The following ZNF148 variants were observed in gnomAD, a reference collection of about 807,000 sequenced individuals.
ZNF148 encodes Beta-Enolase Repressor Factor-1.
Under a neutral mutation model 67.7 loss-of-function variants are expected in ZNF148, and 7 were observed. The ratio of observed to expected loss-of-function variants is 0.10; its 90% CI spans 0.06 to 0.19. The LOEUF is 0.19. Among genes scored for constraint, ZNF148 ranks in the 10% least tolerant of loss-of-function variants. The pLI, the probability that ZNF148 is intolerant of heterozygous loss-of-function variation, is 1.00. For synonymous variants in ZNF148, 333 were observed against 330.7 expected, an observed-to-expected ratio of 1.01 and a Z score of -0.08; for missense variants, 583 against 947.1, an observed-to-expected ratio of 0.62 and a Z score of 5.05.
intron 7 of ZNF148, among the ~76,000 whole-genome samples, chr3:125,237,634 C>T (rs1579586995): frequency 6.6e-6 from 1 of 151,916 alleles, no homozygotes; most frequent in South Asian, 2.1e-4. Context: ...AGCTCATTAA[C>T]GTCAGAAGTT....
At chr3:125,296,677 A>G (rs1251254617) in intron 4 of ZNF148, among the ~76,000 whole-genome samples, 1 of 152,196 alleles carries the variant, frequency 6.6e-6, no homozygotes, top group Non-Finnish European at 1.5e-5. Context: ...ACAAAAAAGC[A>G]CATATACAAC....
At chr3:125,282,964 G>C (rs1938469928) in intron 5 of ZNF148, among the ~76,000 whole-genome samples, 1 of 152,064 alleles carries the variant, frequency 6.6e-6, no homozygotes, top group Admixed American at 6.6e-5. Context: ...AACACTATAG[G>C]TTTTTATCAT....
At chr3:125,237,867 T>C (rs1479287886) in intron 7 of ZNF148, among the ~76,000 whole-genome samples, 1 of 152,202 alleles carries the variant, frequency 6.6e-6, no homozygotes, top group Non-Finnish European at 1.5e-5. Context: ...GGAGGACTTA[T>C]ACTTCCAGAT....
At chr3:125,258,422 CAAAAAA>C (rs34739205) in intron 7 of ZNF148, among the ~76,000 whole-genome samples, 2 of 56,292 alleles carry the variant, frequency 3.6e-5, no homozygotes, top group African/African-American at 7.9e-5. Flanking sequence ...GACTCCATCT[CAAAAAA>C]AAAAAAAAAA....
chr3:125,349,997 T>G (rs563570355), intron 1 of ZNF148, among the ~76,000 whole-genome samples: 4 of 152,166 alleles, frequency 2.6e-5, no homozygotes, highest in African/African-American at 9.7e-5. Flanking sequence ...TTGGCAAGGA[T>G]GGAGAAATTG....
intron 7 of ZNF148, among the ~76,000 whole-genome samples, chr3:125,271,701 G>T (rs1999919): frequency 0.77 from 117,279 of 152,134 alleles, 45,756 homozygotes; most frequent in African/African-American, 0.85. Flanking sequence ...TATGTATTGG[G>T]TTACAGTGCT....
At chr3:125,246,073 C>A (rs1425009718) in intron 7 of ZNF148, among the ~76,000 whole-genome samples, 2 of 152,076 alleles carry the variant, frequency 1.3e-5, no homozygotes, top group African/African-American at 2.4e-5. Flanking sequence ...TTTTTTTCTA[C>A]AAAACTTCCC....
At chr3:125,302,470 ATAAG>A (rs1939646910) in intron 4 of ZNF148, among the ~76,000 whole-genome samples, 1 of 152,274 alleles carries the variant, frequency 6.6e-6, no homozygotes. Flanking sequence ...ACAGGAACCC[ATAAG>A]TAAGAAGTAA....
At chr3:125,358,913 A>G (rs1280826106) in intron 1 of ZNF148, among the ~76,000 whole-genome samples, 1 of 152,192 alleles carries the variant, frequency 6.6e-6, no homozygotes, top group Non-Finnish European at 1.5e-5. Context: ...TATTGTGAAG[A>G]CATTTATCTA....
intron 7 of ZNF148, among the ~76,000 whole-genome samples, chr3:125,271,548 G>A (rs1056600347): frequency 3.3e-5 from 5 of 152,168 alleles, no homozygotes. Context: ...ATTGGTTAAG[G>A]GCACAAACTT....
chr3:125,345,665 G>A (rs1421194011), intron 1 of ZNF148, among the ~76,000 whole-genome samples: 2 of 151,980 alleles, frequency 1.3e-5, no homozygotes, highest in Admixed American at 6.6e-5. Context: ...AGATCCTATA[G>A]CAGTTTTAAA....
intron 4 of ZNF148, among the ~76,000 whole-genome samples, chr3:125,304,327 C>T (rs1939757109): frequency 6.6e-6 from 1 of 152,066 alleles, no homozygotes; most frequent in Non-Finnish European, 1.5e-5. Flanking sequence ...CCTGGACCAC[C>T]ATGTCAAAAG....
intron 7 of ZNF148, among the ~76,000 whole-genome samples, chr3:125,257,546 C>G (rs997720779): frequency 1.5e-5 from 2 of 135,362 alleles, no homozygotes; most frequent in Non-Finnish European, 3.1e-5. Context: ...CAGAGCGAGA[C>G]TCCGTCTCTA....
chr3:125,235,732 A>C (rs552967554), intron 7 of ZNF148, among the ~76,000 whole-genome samples: 2 of 152,214 alleles, frequency 1.3e-5, no homozygotes, highest in African/African-American at 4.8e-5. Flanking sequence ...TGGATTAAGA[A>C]AATGTGGCAC....
At chr3:125,279,094 GC>G in intron 6 of ZNF148, 29 bp downstream of exon 6, 1 of 1,560,686 alleles carries the variant, frequency 6.4e-7, no homozygotes, top group Non-Finnish European at 8.7e-7. Context: ...AACTTTAATG[GC>G]CACAAGCCCA....
chr3:125,311,621 C>T (rs1271795738), intron 4 of ZNF148, among the ~76,000 whole-genome samples: 1 of 151,736 alleles, frequency 6.6e-6, no homozygotes, highest in East Asian at 1.9e-4. Flanking sequence ...CCCCAAAAAA[C>T]CCTATATAAT....
chr3:125,298,372 C>CACACAT (rs1050902396), intron 4 of ZNF148, among the ~76,000 whole-genome samples: 1 of 151,856 alleles, frequency 6.6e-6, no homozygotes, highest in African/African-American at 2.4e-5. Flanking sequence ...CACACACACA[C>CACACAT]ATGCTCCTTT....
At chr3:125,265,016 T>C (rs940143759) in intron 7 of ZNF148, among the ~76,000 whole-genome samples, 3 of 152,128 alleles carry the variant, frequency 2.0e-5, no homozygotes, top group Non-Finnish European at 4.4e-5. Flanking sequence ...GAGTAATGAT[T>C]TCATGTAAAC....
chr3:125,313,248 A>C lies in ZNF148; in HGVS notation c.333+60T>G. On this transcript the variant is annotated intron_variant, in intron 4 of 8. Coordinates refer to ENST00000360647, the MANE Select transcript of ZNF148 (RefSeq NM_021964.3). ...TTCTGAAATTTCTTCGATGACTTGC[A>C]GTATTACGTAACAAAAAATTATGTT... The C allele has an allele frequency of 3.7e-6, 5 of 1,367,612 alleles. No individual in the cohort carries two copies. The South Asian group carries it at 4.2e-5, about 12-fold the overall frequency. The allele number at this position is 1,367,612 out of a possible 1,614,324, so 84.7% of individuals were successfully genotyped here. A position where few individuals can be genotyped will look rare whatever the true frequency, so the allele number is the denominator to read the frequency against.
Sources: allele counts gnomAD v4.1 joint callset (sites outside exome capture counted in the v4.1 genomes callset), GRCh38; gene constraint gnomAD v4.1.1; transcripts MANE v1.5; gene names NCBI Gene and HGNC (gene_info 2026-07-23, HGNC 2026-07-21).